TNS3: variants seen among roughly 807,000 people sequenced by gnomAD.
The protein encoded by TNS3 is tensin-3.
A neutral mutation model predicts 140.9 loss-of-function variants in TNS3; 45 were observed. The observed-to-expected ratio is 0.32, with a 90% CI of 0.25 to 0.41. The LOEUF (loss-of-function observed/expected upper bound fraction) is 0.41, where lower values mean the gene tolerates loss of function less well. Among genes scored for constraint, TNS3 ranks in the 10% least tolerant of loss-of-function variants. The pLI is 1.00. For missense variants in TNS3, 1,716 were observed against 1,906.7 expected, an observed-to-expected ratio of 0.90 and a Z score of 1.86; for synonymous variants, 815 against 788.4, an observed-to-expected ratio of 1.03 and a Z score of -0.56.
intron 20 of TNS3, among the ~76,000 whole-genome samples, chr7:47,318,161 A>T (rs561854042): frequency 6.6e-6 from 1 of 152,196 alleles, no homozygotes; most frequent in Non-Finnish European, 1.5e-5. Context: ...TAGGGACCTC[A>T]TGTAAGTGGA....
At chr7:47,557,387 A>C (rs979449922) in intron 1 of TNS3, among the ~76,000 whole-genome samples, 2 of 152,026 alleles carry the variant, frequency 1.3e-5, no homozygotes, top group African/African-American at 4.8e-5. Context: ...TCCCAACACT[A>C]CTATTTAACC....
intron 1 of TNS3, among the ~76,000 whole-genome samples, chr7:47,540,438 A>G (rs965842600): frequency 2.6e-5 from 4 of 152,180 alleles, no homozygotes; most frequent in African/African-American, 4.8e-5. Flanking sequence ...ACCAAGTACA[A>G]GGTTCCCTGG....
At chr7:47,313,015 T>C (rs112879140) in intron 20 of TNS3, among the ~76,000 whole-genome samples, 92 of 152,334 alleles carry the variant, frequency 6.0e-4, no homozygotes, top group African/African-American at 2.1e-3. Flanking sequence ...CGTGTCCTGC[T>C]TGTGTCAGCC....
At position 47,344,814 on chromosome 7, in the gene TNS3, G is replaced by A. The variant is rs751056467; in HGVS notation, c.2591C>T (p.Pro864Leu). The stretch of plus-strand genomic sequence containing the variant: ...CAGCGGGGGCTCAGGTGGGCTGAAC[G>A]GAGGATGGCGCAGCGCTGTTTTCAC... ...PYVKTALRHP[P>L]FSPPEPPLSS... The change falls in exon 20 of 31, where the codon CCG (proline) becomes CTG (leucine). Residue 864 changes from proline (P) to leucine (L), a missense_variant. By Grantham distance (98) the Pro-to-Leu change is moderately conservative (BLOSUM62 -3). This residue lies in a region of TNS3 where 1,163 missense variants were observed against 1,182.1 expected (regional missense o/e 0.98). Coordinates refer to ENST00000311160, the MANE Select transcript of TNS3 (RefSeq NM_022748.12). 3.7e-6 allele frequency: 6 copies of A among 1,613,744 alleles called. 1 individual carries two copies. Among genetic ancestry groups the A allele is most frequent in the South Asian group, 3.3e-5 (3 of 91,056 alleles).
chr7:47,276,004 A>G lies in TNS3; in HGVS notation c.*2072T>C, dbSNP rs1784855301. The G allele has an allele frequency of 5.3e-6, 2 of 377,876 alleles. No homozygotes were observed. The highest frequency in any genetic ancestry group is 1.1e-5 in the Non-Finnish European group (2 of 189,430). The allele number at this position is 377,876 out of a possible 1,614,324, so 23.4% of individuals were successfully genotyped here. On this transcript the variant is annotated 3_prime_UTR_variant, in exon 31 of 31. Transcript: ENST00000311160. ...GAACCTGGCCTGCACTCTTTGGGTT[A>G]AACATGGGTAGAGACCGTCTCAGGA...
At chr7:47,470,652 C>G in intron 4 of TNS3, 1 of 985,432 alleles carries the variant, frequency 1.0e-6, no homozygotes, top group East Asian at 1.1e-4. Context: ...ACCACAGACG[C>G]AGGTAATGGT....
intron 1 of TNS3, among the ~76,000 whole-genome samples, chr7:47,549,033 C>T (rs754135662): frequency 1.8e-4 from 27 of 152,258 alleles, no homozygotes; most frequent in African/African-American, 5.8e-4. Flanking sequence ...CCCAGTTCCC[C>T]GGTCTCCACT....
chr7:47,346,179 G>T lies in TNS3; in HGVS notation c.2451+8C>A, dbSNP rs750225887. ...GCCCAGAAACTGGGACCTGGCTGTG[G>T]CACATACCTCTTTGACGTCCGCTGG... is the stretch of plus-strand genomic sequence containing the variant. On this transcript the variant is annotated splice_region_variant and intron_variant, in intron 18 of 30. Transcript: ENST00000311160. 1.7e-5 allele frequency: 27 copies of T among 1,613,386 alleles called. No homozygotes were observed. The highest frequency in any genetic ancestry group is 1.9e-5 in the Non-Finnish European group (23 of 1,179,566).
Position 47,278,053 on chromosome 7 carries a change from G to T in TNS3, c.*23C>A, listed in dbSNP as rs1044805185. On this transcript the variant is annotated 3_prime_UTR_variant, in exon 31 of 31. Coordinates refer to ENST00000311160, the MANE Select transcript of TNS3 (RefSeq NM_022748.12). Reference sequence around the variant, plus strand: ...TCCAGGGCTTCGAGAGGCATCGGTGGGTCCAGGGAGGGAGGGGAGTTCTCA... The same window carrying T: ...TCCAGGGCTTCGAGAGGCATCGGTGTGTCCAGGGAGGGAGGGGAGTTCTCA... 2 of 1,613,762 alleles carry T rather than the reference G, an allele frequency of 1.2e-6. No individual in the cohort carries two copies. Among genetic ancestry groups the T allele is most frequent in the African/African-American group, 2.7e-5 (2 of 74,922 alleles).
At chr7:47,406,685 C>G (rs1375145026) in intron 13 of TNS3, among the ~76,000 whole-genome samples, 1 of 152,186 alleles carries the variant, frequency 6.6e-6, no homozygotes, top group Non-Finnish European at 1.5e-5. Context: ...GGGTGTAAAT[C>G]TATGCACATG....
chr7:47,308,194 T>G (rs1786871419), intron 20 of TNS3, among the ~76,000 whole-genome samples: 1 of 152,210 alleles, frequency 6.6e-6, no homozygotes, highest in African/African-American at 2.4e-5. Flanking sequence ...CCACTACCAT[T>G]TGTTGAGACT....
At chr7:47,354,410 C>A (rs1789867880) in intron 17 of TNS3, among the ~76,000 whole-genome samples, 1 of 152,072 alleles carries the variant, frequency 6.6e-6, no homozygotes, top group African/African-American at 2.4e-5. Context: ...GGAACAAAAC[C>A]CAAGCTCCCA....
intron 4 of TNS3, among the ~76,000 whole-genome samples, chr7:47,473,478 T>C (rs2151750481): frequency 6.6e-6 from 1 of 152,294 alleles, no homozygotes; most frequent in African/African-American, 2.4e-5. Flanking sequence ...CCAGAAACCA[T>C]GAGCACGCAC....
At chr7:47,581,924 C>T (rs905206609) in intron 1 of TNS3, 127 bp downstream of exon 1, 1 of 152,384 alleles carries the variant, frequency 6.6e-6, no homozygotes, top group Admixed American at 6.5e-5. Flanking sequence ...GTCCCCGCGC[C>T]CCAGCTCCAG....
chr7:47,479,828 G>A (rs540472132), intron 4 of TNS3, among the ~76,000 whole-genome samples: 3 of 152,304 alleles, frequency 2.0e-5, no homozygotes, highest in East Asian at 1.9e-4. Flanking sequence ...TCTCTCATCC[G>A]CAGCTAGGTT....
intron 9 of TNS3, among the ~76,000 whole-genome samples, chr7:47,425,268 G>A (rs1019785343): frequency 6.6e-6 from 1 of 152,116 alleles, no homozygotes; most frequent in African/African-American, 2.4e-5. Flanking sequence ...AGTGAGCAGA[G>A]ATCGCACCAT....
At chr7:47,468,587 G>A (rs1406581860) in intron 4 of TNS3, among the ~76,000 whole-genome samples, 10 of 152,056 alleles carry the variant, frequency 6.6e-5, no homozygotes, top group Non-Finnish European at 1.5e-4. Flanking sequence ...AGAAATCAGA[G>A]AAAACACAAG....
chr7:47,526,336 T>C (rs1218230275), intron 2 of TNS3, among the ~76,000 whole-genome samples: 1 of 152,194 alleles, frequency 6.6e-6, no homozygotes, highest in Non-Finnish European at 1.5e-5. Flanking sequence ...CCCACTGGAT[T>C]ACAGCTCAAG....
In TNS3 at chr7:47,299,777, G is replaced by A. The variant is rs546164486; in HGVS notation, c.3544+2409C>T. ...AAACAGAAGTAGGCTGAGGAGCCTG[G>A]TGTGCTGAAGTTGGAAAAACGAGCG... On this transcript the variant is annotated intron_variant, in intron 23 of 30. Coordinates refer to ENST00000311160, the MANE Select transcript of TNS3 (RefSeq NM_022748.12). 2.0e-5 allele frequency among the ~76,000 whole-genome samples: 3 copies of A among 152,320 alleles called. No individual in the cohort carries two copies. The East Asian group carries it at 5.8e-4, about 29-fold the overall frequency.
Sources: allele counts gnomAD v4.1 joint callset (sites outside exome capture counted in the v4.1 genomes callset), GRCh38; gene constraint gnomAD v4.1.1; regional missense constraint gnomAD v4.1.1; transcripts MANE v1.5; gene names NCBI Gene and HGNC (gene_info 2026-07-23, HGNC 2026-07-21).